The following GCLC variants were observed in gnomAD, a reference collection of about 807,000 sequenced individuals.
The protein encoded by GCLC is glutamate--cysteine ligase catalytic subunit.
Under a neutral mutation model 81.5 loss-of-function variants are expected in GCLC, and 30 were observed. The ratio of observed to expected loss-of-function variants is 0.37; its 90% CI spans 0.28 to 0.50. The LOEUF (loss-of-function observed/expected upper bound fraction) is 0.50, where lower values mean the gene tolerates loss of function less well. Among genes scored for constraint, GCLC ranks in the 20% least tolerant of loss-of-function variants. The pLI is 0.96. For missense variants in GCLC, 556 were observed against 777.4 expected (o/e 0.72, Z 3.39); for synonymous variants, 262 against 273.3 (o/e 0.96, Z 0.41).
At chr6:53,516,011 T>C in intron 4 of GCLC, 98 bp downstream of exon 4, 2 of 768,856 alleles carry the variant, frequency 2.6e-6, no homozygotes, top group Non-Finnish European at 4.6e-6. Flanking sequence ...CAAAACTCAG[T>C]TAATGCTCAA....
At position 53,506,946 on chromosome 6, in the gene GCLC, G is replaced by A. The variant is rs1764627273; in HGVS notation, c.1164C>T (p.His388=). 1 of 1,599,586 alleles carries A rather than the reference G, an allele frequency of 6.3e-7. No homozygotes were observed. The part of the protein sequence containing the change: ...DPLTLFEEKI[H]LDDANESDHF... Reference sequence around the variant, plus strand: ...GGTCAGACTCATTAGCATCATCCAGGTGTATTTTCTCTTCAAACAGTGTCA... The same window carrying A: ...GGTCAGACTCATTAGCATCATCCAGATGTATTTTCTCTTCAAACAGTGTCA... Residue 388 remains histidine, a synonymous_variant, in exon 10 of 16, where the codon CAC becomes CAT. Coordinates refer to ENST00000650454, the MANE Select transcript of GCLC (RefSeq NM_001498.4). The surrounding 1 kb of genome is among the most constrained non-coding windows in gnomAD (Gnocchi z 4.0).
At chr6:53,520,669 A>G (rs1581739993) in intron 3 of GCLC, 109 bp downstream of exon 3, 2 of 891,678 alleles carry the variant, frequency 2.2e-6, no homozygotes, top group Admixed American at 3.4e-5. Context: ...AAGATAAACC[A>G]TCTGTAACGT....
intron 1 of GCLC, among the ~76,000 whole-genome samples, chr6:53,543,490 G>A (rs958834134): frequency 6.6e-6 from 1 of 151,534 alleles, no homozygotes; most frequent in African/African-American, 2.4e-5. Context: ...ATTCTGCACT[G>A]GTGTAACAGC....
chr6:53,522,784 C>T (rs146692795), intron 1 of GCLC: 12 of 313,990 alleles, frequency 3.8e-5, no homozygotes, highest in African/African-American at 2.5e-4. Context: ...GGTCGATACC[C>T]ATTTTGACAA....
chr6:53,534,908 C>T (rs1293313647), intron 1 of GCLC, among the ~76,000 whole-genome samples: 1 of 152,146 alleles, frequency 6.6e-6, no homozygotes, highest in African/African-American at 2.4e-5. Flanking sequence ...AGATTCAATG[C>T]AATCCCAATA....
intron 1 of GCLC, among the ~76,000 whole-genome samples, chr6:53,542,695 T>C (rs1186541317): frequency 6.6e-6 from 1 of 152,272 alleles, no homozygotes; most frequent in East Asian, 1.9e-4. Context: ...ACTGCCTGTC[T>C]TTGTAGAGAG....
chr6:53,524,810 C>T (rs889320571), intron 1 of GCLC, among the ~76,000 whole-genome samples: 2 of 152,186 alleles, frequency 1.3e-5, no homozygotes, highest in African/African-American at 4.8e-5. Flanking sequence ...GTTGCAATAA[C>T]TTTAATTGTT....
intron 6 of GCLC, chr6:53,509,987 G>C (rs1229284318): frequency 6.5e-6 from 1 of 152,788 alleles, no homozygotes; most frequent in Non-Finnish European, 1.5e-5. Context: ...TGGCAGTATG[G>C]TGAAGAGCTT....
intron 1 of GCLC, among the ~76,000 whole-genome samples, chr6:53,533,256 C>A (rs546219984): frequency 7.8e-4 from 119 of 152,230 alleles, no homozygotes; most frequent in Non-Finnish European, 1.4e-3. Context: ...AGATTTCAAA[C>A]ATCATATGAA....
chr6:53,500,888 G>A (rs1263261791), intron 12 of GCLC: 13 of 339,246 alleles, frequency 3.8e-5, no homozygotes, highest in Non-Finnish European at 6.7e-5. Flanking sequence ...CCAGGGTAAC[G>A]AAGGCAGAAG....
chr6:53,540,487 T>C (rs1457178830), intron 1 of GCLC, among the ~76,000 whole-genome samples: 1 of 152,124 alleles, frequency 6.6e-6, no homozygotes, highest in Non-Finnish European at 1.5e-5. Context: ...GAAAGCAGAA[T>C]TGTTGCCAGG....
intron 1 of GCLC, among the ~76,000 whole-genome samples, chr6:53,524,126 A>G (rs12527997): frequency 0.014 from 2,198 of 152,376 alleles, 25 homozygotes; most frequent in Middle Eastern, 0.085. Flanking sequence ...ATCTTTAAAT[A>G]AGCATAATGA....
At chr6:53,526,569 C>A (rs1024995845) in intron 1 of GCLC, among the ~76,000 whole-genome samples, 2 of 151,956 alleles carry the variant, frequency 1.3e-5, no homozygotes, top group East Asian at 3.9e-4. Context: ...GAGGCCGAGG[C>A]GGGCGGATCA....
At chr6:53,540,002 G>A (rs916840841) in intron 1 of GCLC, among the ~76,000 whole-genome samples, 13 of 152,212 alleles carry the variant, frequency 8.5e-5, no homozygotes, top group Non-Finnish European at 1.9e-4. Flanking sequence ...ATCTGAGACT[G>A]TGGCCTTCAA....
intron 3 of GCLC, 157 bp from the exon 4 acceptor site, chr6:53,516,379 G>GC: frequency 6.2e-6 from 4 of 648,746 alleles, no homozygotes; most frequent in Non-Finnish European, 1.1e-5. Flanking sequence ...TAAATACTGT[G>GC]CCCCTTTACA....
intron 12 of GCLC, among the ~76,000 whole-genome samples, chr6:53,504,314 G>C (rs1170282144): frequency 6.6e-6 from 1 of 152,058 alleles, no homozygotes; most frequent in Non-Finnish European, 1.5e-5. Context: ...GCCTCCTGAG[G>C]AGCAGAGATT....
Position 53,536,099 on chromosome 6 carries a change from G to A in GCLC, c.150+8397C>T, listed in dbSNP as rs191931279. On this transcript the variant is annotated intron_variant, in intron 1 of 15. Coordinates refer to ENST00000650454, the MANE Select transcript of GCLC (RefSeq NM_001498.4). ...ATGGAATGAAATATTACTCAGCGAC[G>A]AAAAGGAATGAACTACTGACACATG... Among the ~76,000 whole-genome samples the A allele has an allele frequency of 4.3e-4, 66 of 152,240 alleles. 1 individual carries two copies. Among genetic ancestry groups the A allele is most frequent in the Admixed American group, 1.4e-3 (22 of 15,290 alleles).
At chr6:53,536,415 T>C (rs187534702) in intron 1 of GCLC, among the ~76,000 whole-genome samples, 1 of 152,334 alleles carries the variant, frequency 6.6e-6, no homozygotes, top group Admixed American at 6.5e-5. Context: ...TACCAAATTG[T>C]ACATTTTAAA....
At chr6:53,542,843 T>C (rs1379573548) in intron 1 of GCLC, among the ~76,000 whole-genome samples, 1 of 151,994 alleles carries the variant, frequency 6.6e-6, no homozygotes, top group Non-Finnish European at 1.5e-5. Context: ...ACCCTATCTC[T>C]ACTAAAAATA....
Sources: gnomAD v4.1 joint callset for allele counts (sites outside exome capture counted in the v4.1 genomes callset) on GRCh38, gnomAD v4.1.1 for gene constraint, Gnocchi (gnomAD v3.1) non-coding constraint, MANE v1.5 for transcripts, NCBI Gene and HGNC (gene_info 2026-07-23, HGNC 2026-07-21) for gene names.